ACOX3: variants seen among roughly 807,000 people sequenced by gnomAD.
ACOX3 encodes the protein acyl-CoA oxidase 3, pristanoyl, also known as peroxisomal acyl-coenzyme A oxidase 3.
A neutral mutation model predicts 81.5 loss-of-function variants in ACOX3; 73 were observed. The observed-to-expected ratio is 0.90, with a 90% CI of 0.74 to 1.09. ACOX3 has a LOEUF of 1.09. Ranked by LOEUF, ACOX3 falls within the 50% of genes least tolerant of loss-of-function variation. The pLI is 0.00. For missense variants in ACOX3, 947 were observed against 928.0 expected (o/e 1.02, Z -0.27); for synonymous variants, 387 against 375.1 (o/e 1.03, Z -0.37).
chr4:8,376,452 T>C (rs1302813088), intron 14 of ACOX3, among the ~76,000 whole-genome samples: 2 of 152,140 alleles, frequency 1.3e-5, no homozygotes, highest in Admixed American at 6.5e-5. Flanking sequence ...GCTATGACGC[T>C]GCCCCAAATC....
At chr4:8,435,841 A>G (rs1002947165) in intron 1 of ACOX3, among the ~76,000 whole-genome samples, 1 of 152,122 alleles carries the variant, frequency 6.6e-6, no homozygotes, top group African/African-American at 2.4e-5. Context: ...CTTTCTCCAT[A>G]TGGCCCAGCC....
intron 6 of ACOX3, among the ~76,000 whole-genome samples, chr4:8,409,370 G>A (rs1293303634): frequency 6.6e-6 from 1 of 152,072 alleles, no homozygotes; most frequent in African/African-American, 2.4e-5. Flanking sequence ...CTGTGGGCAG[G>A]GCTGTCTGCA....
downstream of ACOX3, among the ~76,000 whole-genome samples, chr4:8,364,503 A>G (rs1277652864): frequency 8.5e-5 from 8 of 94,244 alleles, no homozygotes; most frequent in Non-Finnish European, 1.4e-4. This position sits in a 1 kb window ranked among gnomAD's most constrained non-coding sequence, Gnocchi z 5.0. Context: ...CGTGTCTGAC[A>G]TGGTGACATC....
the ACOX3 span, among the ~76,000 whole-genome samples, chr4:8,359,177 G>A: frequency 2.0e-5 from 3 of 152,108 alleles, no homozygotes; most frequent in African/African-American, 2.4e-5. This position sits in a 1 kb window ranked among gnomAD's most constrained non-coding sequence, Gnocchi z 6.0. Flanking sequence ...GTCTGGTAAC[G>A]TCTTTCTGGT....
At chr4:8,411,633 G>A (rs904453465) in intron 5 of ACOX3, among the ~76,000 whole-genome samples, 3 of 152,186 alleles carry the variant, frequency 2.0e-5, no homozygotes, top group Non-Finnish European at 2.9e-5. Flanking sequence ...CCGGCTCCTC[G>A]GGGCCTGCAC....
intron 1 of ACOX3, among the ~76,000 whole-genome samples, chr4:8,427,161 C>T (rs922358576): frequency 1.3e-5 from 2 of 152,162 alleles, no homozygotes; most frequent in African/African-American, 4.8e-5. Flanking sequence ...AGAGAGCTCA[C>T]TAAAATACCA....
Position 8,399,620 on chromosome 4 carries a change from C to T in ACOX3, c.809G>A (p.Arg270His), listed in dbSNP as rs765806929. ...TCCCATCCGGTTCAGAAGGCTCTGG[C>T]GAGGAACTCTGACCTTGTGGAACAT... ...FAMFHKVRVP[R>H]QSLLNRMGDV... The change falls in exon 8 of 18, where the codon CGC becomes CAC. Residue 270 changes from arginine (R) to histidine (H), a missense_variant. Coordinates refer to ENST00000356406, the MANE Select transcript of ACOX3 (RefSeq NM_003501.3). This position sits in a 1 kb window ranked among gnomAD's most constrained non-coding sequence, Gnocchi z 4.9. 9 of 1,613,998 alleles carry T rather than the reference C, an allele frequency of 5.6e-6. No homozygotes were observed. The highest frequency in any genetic ancestry group is 5.3e-5 in the African/African-American group (4 of 74,916).
chr4:8,396,846 A>G (rs966199671), intron 9 of ACOX3, 91 bp downstream of exon 9: 1 of 1,461,182 alleles, frequency 6.8e-7, no homozygotes, highest in African/African-American at 1.4e-5. Flanking sequence ...AGCTTTGATC[A>G]ACTCCCAGTA....
chr4:8,431,483 G>A lies in ACOX3; in HGVS notation c.-15+9165C>T, dbSNP rs1403631485. Among the ~76,000 whole-genome samples, 1 of 152,240 alleles carries A rather than the reference G, an allele frequency of 6.6e-6. No individual in the cohort carries two copies. The highest frequency in any genetic ancestry group is 6.5e-5 in the Admixed American group (1 of 15,290). On this transcript the variant is annotated intron_variant, in intron 1 of 17. Transcript: ENST00000356406. This position sits in a 1 kb window ranked among gnomAD's most constrained non-coding sequence, Gnocchi z 5.3. The stretch of plus-strand genomic sequence containing the variant: ...GGGCCTCTCTGTGAGTCAGGGTGGT[G>A]GGGAGGTAGGAAGAGAGGAAGGGGT...
Position 8,399,684 on chromosome 4 carries a change from A to G in ACOX3, c.777-32T>C. 1 of 1,589,082 alleles carries G rather than the reference A, an allele frequency of 6.3e-7. No homozygotes were observed. The highest frequency in any genetic ancestry group is 2.2e-5 in the East Asian group (1 of 44,758). On this transcript the variant is annotated intron_variant, in intron 7 of 17. Coordinates refer to ENST00000356406, the MANE Select transcript of ACOX3 (RefSeq NM_003501.3). The surrounding 1 kb of genome is among the most constrained non-coding windows in gnomAD (Gnocchi z 4.9). ...GGAAGCAGCAGGGCTTCTGTTAAAC[A>G]GGGGTCCTGCCCTGAGGCTCTTCTC...
chr4:8,362,945 T>C (rs1715265574), downstream of ACOX3, among the ~76,000 whole-genome samples: 1 of 152,200 alleles, frequency 6.6e-6, no homozygotes, highest in Non-Finnish European at 1.5e-5. Flanking sequence ...ATAAAATCAG[T>C]CTTACCAAGA....
intron 13 of ACOX3, among the ~76,000 whole-genome samples, chr4:8,387,104 G>A (rs564844854): frequency 2.6e-5 from 4 of 152,254 alleles, no homozygotes; most frequent in Non-Finnish European, 5.9e-5. Flanking sequence ...TATCTGCCCA[G>A]TTGAACGTGT....
At chr4:8,409,559 G>T (rs542863661) in intron 6 of ACOX3, among the ~76,000 whole-genome samples, 14 of 144,664 alleles carry the variant, frequency 9.7e-5, no homozygotes, top group Admixed American at 7.7e-4. Context: ...AGGGCTGTGG[G>T]ATACACTTTG....
intron 7 of ACOX3, among the ~76,000 whole-genome samples, chr4:8,403,271 C>A (rs961980976): frequency 1.3e-5 from 2 of 152,202 alleles, no homozygotes; most frequent in Non-Finnish European, 2.9e-5. Flanking sequence ...AATTATAATG[C>A]TGATCTTGGA....
In ACOX3 at chr4:8,430,988, G is replaced by A. The variant is rs1180066182; in HGVS notation, c.-15+9660C>T. Among the ~76,000 whole-genome samples, 4 of 152,178 alleles carry A rather than the reference G, an allele frequency of 2.6e-5. No homozygotes were observed. Among genetic ancestry groups the A allele is most frequent in the Non-Finnish European group, 5.9e-5 (4 of 68,036 alleles). On this transcript the variant is annotated intron_variant, in intron 1 of 17. Transcript: ENST00000356406. The surrounding 1 kb of genome is among the most constrained non-coding windows in gnomAD (Gnocchi z 5.2). ...AAAGGGGAAGAGCTCAGGGCATCTG[G>A]TGGCCAGTACAGGTAAAAGACAAGG...
chr4:8,377,190 A>G (rs1717075532), intron 14 of ACOX3, among the ~76,000 whole-genome samples: 2 of 152,200 alleles, frequency 1.3e-5, no homozygotes, highest in Admixed American at 1.3e-4. Flanking sequence ...AGATGAGGCC[A>G]ATCCCAGCAG....
intron 7 of ACOX3, among the ~76,000 whole-genome samples, chr4:8,402,526 A>G (rs1372168629): frequency 1.3e-5 from 2 of 152,202 alleles, no homozygotes; most frequent in African/African-American, 4.8e-5. Context: ...AGGAGTGGAA[A>G]TTATTCCCCC....
At chr4:8,363,898 G>A (rs575994631), downstream of ACOX3, among the ~76,000 whole-genome samples, 17 of 152,208 alleles carry the variant, frequency 1.1e-4, no homozygotes, top group South Asian at 2.1e-3. Context: ...CTAAAACAGG[G>A]AGGCACGAAT....
Position 8,389,145 on chromosome 4 carries a change from C to T in ACOX3, c.1537+28G>A, listed in dbSNP as rs750858650. On this transcript the variant is annotated intron_variant, in intron 13 of 17. Transcript: ENST00000356406. The surrounding 1 kb of genome is among the most constrained non-coding windows in gnomAD (Gnocchi z 5.3). The stretch of plus-strand genomic sequence containing the variant: ...TGGGAATGACAGGAAATCAGGAGGC[C>T]AGGGGAGCCCTCCACCTGTGTGTTT... The T allele has an allele frequency of 2.5e-6, 4 of 1,588,222 alleles. No individual in the cohort carries two copies. Among genetic ancestry groups the T allele is most frequent in the East Asian group, 2.2e-5 (1 of 44,708 alleles).
Sources: gnomAD v4.1 joint callset for allele counts (sites outside exome capture counted in the v4.1 genomes callset) on GRCh38, gnomAD v4.1.1 for gene constraint, Gnocchi (gnomAD v3.1) non-coding constraint, MANE v1.5 for transcripts, NCBI Gene and HGNC (gene_info 2026-07-23, HGNC 2026-07-21) for gene names.